The following TSHZ1 variants were observed in gnomAD, a reference collection of about 807,000 sequenced individuals.
TSHZ1 encodes teashirt zinc finger homeobox 1, also known as teashirt homolog 1.
TSHZ1 carries 12 observed loss-of-function variants against 67.1 expected under a neutral mutation model. That is an observed-to-expected ratio of 0.18 (90% confidence interval 0.11 to 0.29). TSHZ1 has a LOEUF of 0.29. TSHZ1 is among the 10% of genes least tolerant of loss of function. The probability of loss-of-function intolerance (pLI) is 1.00; values close to 1 mark genes in which losing one functional copy is unlikely to be tolerated. For synonymous variants in TSHZ1, 632 were observed against 622.4 expected, an observed-to-expected ratio of 1.02 and a Z score of -0.23; for missense variants, 1,305 against 1,413.9, an observed-to-expected ratio of 0.92 and a Z score of 1.23.
chr18:75,279,293 A>G (rs924620587), intron 1 of TSHZ1, among the ~76,000 whole-genome samples: 13 of 152,236 alleles, frequency 8.5e-5, no homozygotes, highest in African/African-American at 2.9e-4. Flanking sequence ...AATAGATATG[A>G]TGAGCTAAAA....
intron 1 of TSHZ1, among the ~76,000 whole-genome samples, chr18:75,249,094 C>T (rs1388113740): frequency 2.0e-5 from 3 of 152,256 alleles, no homozygotes; most frequent in African/African-American, 4.8e-5. Context: ...GGTCCTTCAC[C>T]GCCCTCCTGC....
At chr18:75,223,522 T>C (rs1435376567) in intron 1 of TSHZ1, among the ~76,000 whole-genome samples, 2 of 152,116 alleles carry the variant, frequency 1.3e-5, no homozygotes, top group Non-Finnish European at 2.9e-5. Context: ...CTCCTTCAGT[T>C]CCATTTCAAC....
intron 1 of TSHZ1, among the ~76,000 whole-genome samples, chr18:75,269,849 TC>T (rs1251460592): frequency 6.6e-6 from 1 of 152,108 alleles, no homozygotes; most frequent in Non-Finnish European, 1.5e-5. Flanking sequence ...CGTTCTACCT[TC>T]TGTCTCTGTG....
Position 75,285,461 on chromosome 18 carries a change from G to A in TSHZ1, c.54G>A (p.Glu18=). 6.7e-7 allele frequency: 1 copy of A among 1,489,398 alleles called. No homozygotes were observed. Among genetic ancestry groups the A allele is most frequent in the Non-Finnish European group, 8.9e-7 (1 of 1,118,866 alleles). 92.3% of individuals were successfully genotyped at this position (1,489,398 alleles called of 1,614,324 possible). Residue 18 remains glutamate (E), a synonymous_variant, in exon 2 of 2, where the codon GAG becomes GAA. Coordinates refer to ENST00000580243, the MANE Select transcript of TSHZ1 (RefSeq NM_001308210.2). ...TTTCTCTCCTAGCTTATGTTCCTGA[G>A]GAAGAATTGAAGGCAGCAGAAATAG... ...APRRSAAYVP[E]EELKAAEIDE... is the part of the protein sequence containing the mutation.
intron 1 of TSHZ1, among the ~76,000 whole-genome samples, chr18:75,261,807 G>T (rs7240363): frequency 2.2e-4 from 33 of 152,068 alleles, no homozygotes; most frequent in Admixed American, 5.2e-4. Flanking sequence ...GAGTTTTGAC[G>T]TCGGGGGTGC....
intron 1 of TSHZ1, among the ~76,000 whole-genome samples, chr18:75,276,505 C>A (rs992276413): frequency 6.6e-6 from 1 of 152,158 alleles, no homozygotes; most frequent in African/African-American, 2.4e-5. Flanking sequence ...TTCATCAAAA[C>A]CACCTGCTCT....
Position 75,285,665 on chromosome 18 carries a change from C to G in TSHZ1, c.258C>G (p.Ala86=), listed in dbSNP as rs780598158. Residue 86 remains alanine, a synonymous_variant, in exon 2 of 2, where the codon GCC becomes GCG. Coordinates refer to ENST00000580243, the MANE Select transcript of TSHZ1 (RefSeq NM_001308210.2). The part of the protein sequence containing the change: ...SPFSESSDQL[A]HFKGSSSREE... ...TCAGTGAGAGCAGCGACCAGCTAGC[C>G]CATTTCAAAGGCTCTTCCTCTCGAG... 1 of 1,613,904 alleles carries G rather than the reference C, an allele frequency of 6.2e-7. No homozygotes were observed. Among genetic ancestry groups the G allele is most frequent in the Admixed American group, 1.7e-5 (1 of 59,992 alleles).
At chr18:75,280,674 GGTGT>G in intron 1 of TSHZ1, 7 of 880,762 alleles carry the variant, frequency 7.9e-6, no homozygotes, top group Non-Finnish European at 9.5e-6. Flanking sequence ...CTGTGGAAAA[GGTGT>G]TTCAGTGATA....
chr18:75,255,343 A>G (rs1317475386), intron 1 of TSHZ1, among the ~76,000 whole-genome samples: 1 of 152,194 alleles, frequency 6.6e-6, no homozygotes, highest in Non-Finnish European at 1.5e-5. Flanking sequence ...GTAGAGCTGT[A>G]GGAAATGTTA....
chr18:75,288,212 C>T lies in TSHZ1; in HGVS notation c.2805C>T (p.Leu935=), dbSNP rs775022159. Residue 935 remains leucine, a synonymous_variant, in exon 2 of 2, where the codon CTC becomes CTT. Coordinates refer to ENST00000580243, the MANE Select transcript of TSHZ1 (RefSeq NM_001308210.2). The surrounding 1 kb of genome is among the most constrained non-coding windows in gnomAD (Gnocchi z 4.9). Reference sequence around the variant, plus strand: ...TGCACATCTCGAAGTTTACTGGGCTCTCCATGACCACCATCAGCCACTGGC... The same window carrying T: ...TGCACATCTCGAAGTTTACTGGGCTTTCCATGACCACCATCAGCCACTGGC... ...ERVHISKFTG[L]SMTTISHWLA... The T allele has an allele frequency of 4.3e-6, 7 of 1,614,096 alleles. No individual in the cohort carries two copies. The highest frequency in any genetic ancestry group is 2.7e-5 in the African/African-American group (2 of 74,938).
intron 1 of TSHZ1, among the ~76,000 whole-genome samples, chr18:75,248,913 C>T (rs2023257765): frequency 6.6e-6 from 1 of 152,194 alleles, no homozygotes; most frequent in Non-Finnish European, 1.5e-5. Context: ...GCCGTGAAGC[C>T]ATAGGGTCAC....
chr18:75,282,511 AT>A (rs925142350), intron 1 of TSHZ1, among the ~76,000 whole-genome samples: 6 of 152,166 alleles, frequency 3.9e-5, no homozygotes, highest in African/African-American at 1.4e-4. Flanking sequence ...TTGTGGCTGT[AT>A]TTGGAGAAGG....
At chr18:75,214,459 A>C (rs2022740685) in intron 1 of TSHZ1, among the ~76,000 whole-genome samples, 1 of 152,250 alleles carries the variant, frequency 6.6e-6, no homozygotes, top group Non-Finnish European at 1.5e-5. Context: ...GAAAGAGGGC[A>C]ATGATATACA....
At chr18:75,274,903 G>A (rs1330436310) in intron 1 of TSHZ1, among the ~76,000 whole-genome samples, 8 of 152,234 alleles carry the variant, frequency 5.3e-5, no homozygotes, top group Non-Finnish European at 5.9e-5. Context: ...AGTAAAGTCA[G>A]GTGTCATGTT....
In TSHZ1 at chr18:75,241,006, G is replaced by A. The variant is rs2023149131; in HGVS notation, c.40+29090G>A. The stretch of plus-strand genomic sequence containing the variant: ...CTGCTGGGCTCTAGGGGCTCCTGCT[G>A]GGGTACCTGCACCATGGGCAGAGCC... On this transcript the variant is annotated intron_variant, in intron 1 of 1. Coordinates refer to ENST00000580243, the MANE Select transcript of TSHZ1 (RefSeq NM_001308210.2). Among the ~76,000 whole-genome samples, 4 of 152,300 alleles carry A rather than the reference G, an allele frequency of 2.6e-5. No homozygotes were observed. The South Asian group carries it at 6.2e-4, about 24-fold the overall frequency.
At position 75,286,844 on chromosome 18, in the gene TSHZ1, G is replaced by A. The variant is rs555329528; in HGVS notation, c.1437G>A (p.Pro479=). 1.1e-5 allele frequency: 17 copies of A among 1,613,982 alleles called. No individual in the cohort carries two copies. Among genetic ancestry groups the A allele is most frequent in the Middle Eastern group, 1.7e-4 (1 of 6,060 alleles). Residue 479 remains proline, a synonymous_variant, in exon 2 of 2, where the codon CCG becomes CCA. Transcript: ENST00000580243. The surrounding 1 kb of genome is among the most constrained non-coding windows in gnomAD (Gnocchi z 5.1). ...PLPPTTHTRL[P]ASSIKKQPDS... ...CGCCCACCACCCACACGCGGCTGCC[G>A]GCCTCCAGCATCAAAAAGCAGCCCG...
Position 75,286,773 on chromosome 18 carries a change from G to A in TSHZ1, c.1366G>A (p.Val456Met). 6.2e-7 allele frequency: 1 copy of A among 1,613,602 alleles called. No homozygotes were observed. The highest frequency in any genetic ancestry group is 1.7e-5 in the Admixed American group (1 of 60,028). ...GGCTTCTAAGAAGGGCAAGCAGTTG[G>A]TGCTGGACCCTGTGGTGGAAGAGAA... Reference protein sequence around the residue: ...TSASKKGKQLVLDPVVEEKIQ... With the variant: ...TSASKKGKQLMLDPVVEEKIQ... Residue 456 changes from valine to methionine, a missense_variant, in exon 2 of 2, where the codon GTG becomes ATG. Around this residue, in one of 3 missense-constraint regions of TSHZ1, gnomAD observed 909 missense variants for 961.8 expected, o/e 0.95. Coordinates refer to ENST00000580243, the MANE Select transcript of TSHZ1 (RefSeq NM_001308210.2). The surrounding 1 kb of genome is among the most constrained non-coding windows in gnomAD (Gnocchi z 5.1).
At position 75,211,464 on chromosome 18, in the gene TSHZ1, G is replaced by A. The variant is rs1195941910; in HGVS notation, c.-413G>A. 1.3e-5 allele frequency: 2 copies of A among 150,260 alleles called. No individual in the cohort carries two copies. Among genetic ancestry groups the A allele is most frequent in the African/African-American group, 2.4e-5 (1 of 41,124 alleles). 9.3% of individuals were successfully genotyped at this position (150,260 alleles called of 1,614,324 possible). On this transcript the variant is annotated 5_prime_UTR_variant, in exon 1 of 2. Transcript: ENST00000580243. ...GGCTCGCGGAAGAAGGCGCAGGGGA[G>A]CGCCCGGAGCGGCGCGCCGGGAGGA...
chr18:75,256,868 A>T (rs1404759830), intron 1 of TSHZ1, among the ~76,000 whole-genome samples: 1 of 152,232 alleles, frequency 6.6e-6, no homozygotes, highest in East Asian at 1.9e-4. Context: ...ATAGTTAGGT[A>T]GCTGGAGGTT....
Sources: allele counts gnomAD v4.1 joint callset (sites outside exome capture counted in the v4.1 genomes callset), GRCh38; gene constraint gnomAD v4.1.1; regional missense constraint gnomAD v4.1.1; non-coding constraint Gnocchi (gnomAD v3.1); transcripts MANE v1.5; gene names NCBI Gene and HGNC (gene_info 2026-07-23, HGNC 2026-07-21).